Variants in PKP4 observed in about 807,000 individuals in gnomAD.
PKP4 encodes plakophilin-4.
Under a neutral mutation model 145.1 loss-of-function variants are expected in PKP4, and 90 were observed. The observed-to-expected ratio is 0.62, with a 90% CI of 0.52 to 0.74. The LOEUF is 0.74. Ranked by LOEUF, PKP4 falls within the 30% of genes least tolerant of loss-of-function variation. The pLI is 0.00. For missense variants in PKP4, 1,340 were observed against 1,482.7 expected (o/e 0.90, Z 1.58); for synonymous variants, 563 against 577.2 (o/e 0.98, Z 0.35).
At chr2:158,510,050 A>C (rs2041359244) in intron 1 of PKP4, among the ~76,000 whole-genome samples, 1 of 152,200 alleles carries the variant, frequency 6.6e-6, no homozygotes, top group African/African-American at 2.4e-5. Flanking sequence ...TTATTTCCCA[A>C]AATTCTTCCT....
At chr2:158,597,889 C>T (rs2049896448) in intron 3 of PKP4, among the ~76,000 whole-genome samples, 1 of 152,192 alleles carries the variant, frequency 6.6e-6, no homozygotes, top group Non-Finnish European at 1.5e-5. Context: ...TCACTGCAGC[C>T]TTGCTTGCCT....
chr2:158,568,019 G>A (rs1298558960), intron 2 of PKP4, among the ~76,000 whole-genome samples: 1 of 152,154 alleles, frequency 6.6e-6, no homozygotes, highest in Non-Finnish European at 1.5e-5. Flanking sequence ...GTGTGCATGA[G>A]AATCTCCTGG....
At chr2:158,616,218 C>A (rs2105881510) in intron 4 of PKP4, among the ~76,000 whole-genome samples, 1 of 152,324 alleles carries the variant, frequency 6.6e-6, no homozygotes, top group African/African-American at 2.4e-5. Flanking sequence ...CCAGTGACCT[C>A]ATTCCCTCTG....
intron 1 of PKP4, among the ~76,000 whole-genome samples, chr2:158,521,157 A>G (rs528664187): frequency 6.6e-6 from 1 of 152,280 alleles, no homozygotes; most frequent in East Asian, 1.9e-4. Context: ...ATAATGCCAA[A>G]ATGGATTCCA....
chr2:158,474,124 CATTA>C (rs1573980557), intron 1 of PKP4, among the ~76,000 whole-genome samples: 3 of 152,170 alleles, frequency 2.0e-5, no homozygotes, highest in Non-Finnish European at 2.9e-5. Context: ...TCCTCATAGT[CATTA>C]ACAAGTTTTA....
At chr2:158,567,146 GAGA>G (rs1417986198) in intron 2 of PKP4, among the ~76,000 whole-genome samples, 1 of 152,160 alleles carries the variant, frequency 6.6e-6, no homozygotes, top group African/African-American at 2.4e-5. Context: ...AAGAGCTGGA[GAGA>G]TACTAAGATG....
intron 12 of PKP4, 39 bp from the exon 13 acceptor site, chr2:158,661,294 G>T (rs767593070): frequency 1.4e-6 from 2 of 1,434,808 alleles, no homozygotes; most frequent in Non-Finnish European, 2.0e-6. Context: ...ATGAGTGCAT[G>T]GTTCATCTCA....
chr2:158,506,296 G>A (rs2040969874), intron 1 of PKP4, among the ~76,000 whole-genome samples: 1 of 152,138 alleles, frequency 6.6e-6, no homozygotes, highest in Non-Finnish European at 1.5e-5. Context: ...AGATGAAGAA[G>A]GCCTAAGAGG....
chr2:158,577,823 CACAA>C (rs2047988514), intron 3 of PKP4, among the ~76,000 whole-genome samples: 1 of 152,074 alleles, frequency 6.6e-6, no homozygotes, highest in African/African-American at 2.4e-5. Flanking sequence ...GAATCTACCA[CACAA>C]ACTAATTACT....
chr2:158,528,660 T>A (rs1574308684), intron 1 of PKP4, among the ~76,000 whole-genome samples: 13 of 95,194 alleles, frequency 1.4e-4, no homozygotes, highest in East Asian at 6.7e-4. Flanking sequence ...GAAAAGAAAC[T>A]TACTAAATGA....
In PKP4 at chr2:158,621,370, T is replaced by C. The variant is rs1251459362; in HGVS notation, c.552T>C (p.Thr184=). The change falls in exon 6 of 22, where the codon ACT becomes ACC. Residue 184 remains threonine, a synonymous_variant. Transcript: ENST00000389759. The part of the protein sequence containing the change: ...NRQQHSFIGS[T]NNHVVRNSRA... ...AGCAGCATTCATTCATAGGATCAACTAACAACCATGTGGTGAGGAATTCAA... is the reference window on the plus strand; with the variant it reads ...AGCAGCATTCATTCATAGGATCAACCAACAACCATGTGGTGAGGAATTCAA... 1.2e-6 allele frequency: 2 copies of C among 1,614,100 alleles called. No individual in the cohort carries two copies. Among genetic ancestry groups the C allele is most frequent in the East Asian group, 2.2e-5 (1 of 44,874 alleles).
chr2:158,664,003 T>C (rs1002308616), intron 15 of PKP4, among the ~76,000 whole-genome samples: 22 of 152,186 alleles, frequency 1.4e-4, no homozygotes, highest in African/African-American at 3.4e-4. Flanking sequence ...CCAGGCATCA[T>C]GGATAGGCCT....
chr2:158,510,440 A>G (rs1309122095), intron 1 of PKP4, among the ~76,000 whole-genome samples: 2 of 152,252 alleles, frequency 1.3e-5, no homozygotes, highest in Non-Finnish European at 2.9e-5. Context: ...TAAAGAGCAA[A>G]TACAAGTGGG....
intron 11 of PKP4, among the ~76,000 whole-genome samples, chr2:158,645,617 A>G (rs544170962): frequency 2.0e-5 from 3 of 152,230 alleles, no homozygotes. Context: ...GACAAATGAC[A>G]TGGAAAACAC....
At chr2:158,499,018 A>T (rs1184769687) in intron 1 of PKP4, among the ~76,000 whole-genome samples, 1 of 152,128 alleles carries the variant, frequency 6.6e-6, no homozygotes, top group African/African-American at 2.4e-5. Flanking sequence ...TCCTGGATTC[A>T]AAACAGTTGT....
At chr2:158,566,250 T>C (rs2046976339) in intron 2 of PKP4, among the ~76,000 whole-genome samples, 1 of 152,174 alleles carries the variant, frequency 6.6e-6, no homozygotes, top group Non-Finnish European at 1.5e-5. Flanking sequence ...GAATAGAAGG[T>C]TAAGTTTATT....
chr2:158,589,951 G>T (rs1283236409), intron 3 of PKP4, among the ~76,000 whole-genome samples: 1 of 152,138 alleles, frequency 6.6e-6, no homozygotes, highest in Admixed American at 6.6e-5. Flanking sequence ...CAGTTAATCA[G>T]CTTGTCGTAA....
At chr2:158,661,680 C>G (rs981961748) in intron 13 of PKP4, 23 of 378,576 alleles carry the variant, frequency 6.1e-5, no homozygotes, top group Admixed American at 3.1e-4. Context: ...TAAAGGCTTT[C>G]TCTCTGGTTC....
rs1034080862 is a variant in PKP4 at position 158,520,518 on chromosome 2, A to C, written c.-5-12662A>C. Among the ~76,000 whole-genome samples, 5 of 152,362 alleles carry C rather than the reference A, an allele frequency of 3.3e-5. No homozygotes were observed. The South Asian group carries it at 8.3e-4, about 25-fold the overall frequency. ...AAATATTCTAAATTATTTGATTTAT[A>C]AACTTCGTCTAATACTGTATCATGT... On this transcript the variant is annotated intron_variant, in intron 1 of 21. Coordinates refer to ENST00000389759, the MANE Select transcript of PKP4 (RefSeq NM_003628.6).
Sources: gnomAD v4.1 joint callset for allele counts (sites outside exome capture counted in the v4.1 genomes callset) on GRCh38, gnomAD v4.1.1 for gene constraint, MANE v1.5 for transcripts, NCBI Gene and HGNC (gene_info 2026-07-23, HGNC 2026-07-21) for gene names.